The following ORC1 variants were observed in gnomAD, a reference collection of about 807,000 sequenced individuals.
ORC1 encodes the protein origin recognition complex subunit 1.
ORC1 carries 61 observed loss-of-function variants against 98.9 expected under a neutral mutation model. The observed-to-expected ratio is 0.62, with a 90% CI of 0.50 to 0.76. ORC1 has a LOEUF of 0.76. Ranked by LOEUF, ORC1 falls within the 30% of genes least tolerant of loss-of-function variation. ORC1 has a pLI of 0.00. For synonymous variants in ORC1, 385 were observed against 406.9 expected, an observed-to-expected ratio of 0.95 and a Z score of 0.65; for missense variants, 979 against 1,072.2, an observed-to-expected ratio of 0.91 and a Z score of 1.21.
In ORC1 at chr1:52,384,710, A is replaced by T; in HGVS notation, c.1595T>A (p.Ile532Asn). The change falls in exon 11 of 17, where the codon ATC (isoleucine) becomes AAC (asparagine). Residue 532 changes from isoleucine to asparagine, a missense_variant. Ile to Asn is a moderately radical substitution (Grantham distance 149). Transcript: ENST00000371568. Reference protein sequence around the residue: ...LLDHTGGCMYISGVPGTGKTA... With the variant: ...LLDHTGGCMYNSGVPGTGKTA... ...CTTCCCTGTCCCAGGGACACCGGAG[A>T]TGTACATGCACCTAGAGCAAGAGAG... 6.2e-7 allele frequency: 1 copy of T among 1,613,674 alleles called. No individual in the cohort carries two copies. The highest frequency in any genetic ancestry group is 8.5e-7 in the Non-Finnish European group (1 of 1,179,904).
Position 52,396,056 on chromosome 1 carries a change from C to T in ORC1, c.711G>A (p.Leu237=). Residue 237 remains leucine (L), a synonymous_variant, in exon 5 of 17, where the codon CTG becomes CTA. Transcript: ENST00000371568. ...CATTCCACAACTTACTGCCAAGCTC[C>T]AGCCTCTTTCTGGCTCTTGGGGTAA... ...HPLTPRARKR[L]ELGNLGNPQM... 2 of 1,614,170 alleles carry T rather than the reference C, an allele frequency of 1.2e-6. No homozygotes were observed. Among genetic ancestry groups the T allele is most frequent in the South Asian group, 2.2e-5 (2 of 91,086 alleles).
chr1:52,406,762 T>C (rs1648008993), upstream of ORC1, among the ~76,000 whole-genome samples: 1 of 152,212 alleles, frequency 6.6e-6, no homozygotes, highest in Non-Finnish European at 1.5e-5. Context: ...GGGCTTTGCA[T>C]ATAATAATTC....
chr1:52,404,434 A>T, upstream of ORC1: 1 of 237,318 alleles, frequency 4.2e-6, no homozygotes, highest in Non-Finnish European at 8.4e-6. Flanking sequence ...AGAAAAGAAA[A>T]CTTCGCGCCA....
At chr1:52,395,019 T>C (rs1019343795) in intron 5 of ORC1, among the ~76,000 whole-genome samples, 1 of 152,212 alleles carries the variant, frequency 6.6e-6, no homozygotes. Flanking sequence ...AAATGTTTTA[T>C]ACATTTATAT....
intron 10 of ORC1, 51 bp from the exon 11 acceptor site, chr1:52,384,772 C>G (rs3087480): frequency 5.4e-6 from 8 of 1,485,218 alleles, no homozygotes; most frequent in Non-Finnish European, 7.4e-6. Flanking sequence ...AGCCACTACA[C>G]GTTATAATCA....
In ORC1 at chr1:52,388,446, T is replaced by C. The variant is rs150154319; in HGVS notation, c.1379A>G (p.Lys460Arg). The C allele has an allele frequency of 1.3e-5, 21 of 1,613,712 alleles. No homozygotes were observed. The highest frequency in any genetic ancestry group is 1.7e-5 in the Admixed American group (1 of 60,010). The change falls in exon 8 of 17, where the codon AAG becomes AGG. Residue 460 changes from lysine (K) to arginine (R), a missense_variant. Transcript: ENST00000371568. ...GTAAACCTAGAAGAACCTTACACTCTTCTTTGGCACCTTCGTGAGGGTATG... is the reference window on the plus strand; with the variant it reads ...GTAAACCTAGAAGAACCTTACACTCCTCTTTGGCACCTTCGTGAGGGTATG... ...SLHTLTKVPKKSLKPRTPRCA... is the reference protein window; with the variant it reads ...SLHTLTKVPKRSLKPRTPRCA...
chr1:52,383,496 C>A lies in ORC1; in HGVS notation c.1937G>T (p.Arg646Leu). ...LFDWPTHKEARLVVLAIANTM... is the reference protein window; with the variant it reads ...LFDWPTHKEALLVVLAIANTM... ...GTTGGCAATTGCCAGGACCACAAGC[C>A]GGGCCTCCTTATGAGTGGGCCAGTC... Residue 646 changes from arginine (R) to leucine (L), a missense_variant, in exon 13 of 17, where the codon CGG (arginine) becomes CTG (leucine). Arg to Leu is a moderately radical substitution (Grantham distance 102). Coordinates refer to ENST00000371568, the MANE Select transcript of ORC1 (RefSeq NM_004153.4). 1 of 1,613,774 alleles carries A rather than the reference C, an allele frequency of 6.2e-7. No homozygotes were observed. Among genetic ancestry groups the A allele is most frequent in the South Asian group, 1.1e-5 (1 of 91,064 alleles).
At chr1:52,392,619 T>G (rs956282709) in intron 6 of ORC1, among the ~76,000 whole-genome samples, 1 of 152,202 alleles carries the variant, frequency 6.6e-6, no homozygotes, top group African/African-American at 2.4e-5. Flanking sequence ...CGCATGTTTA[T>G]AGCAGTACAA....
At chr1:52,374,736 T>C in intron 16 of ORC1, 74 bp downstream of exon 16, 1 of 988,664 alleles carries the variant, frequency 1.0e-6, no homozygotes, top group East Asian at 2.5e-5. Flanking sequence ...GTGTCACACA[T>C]TCATGGAAAT....
intron 10 of ORC1, 122 bp from the exon 11 acceptor site, chr1:52,384,843 G>A (rs1243213176): frequency 1.2e-5 from 10 of 859,524 alleles, no homozygotes; most frequent in Admixed American, 6.0e-5. Context: ...GTGGAGGTGG[G>A]GGCAGTAGGG....
At chr1:52,397,377 C>T (rs1447267479) in intron 4 of ORC1, among the ~76,000 whole-genome samples, 3 of 152,186 alleles carry the variant, frequency 2.0e-5, no homozygotes, top group African/African-American at 7.2e-5. Context: ...CATATTCAGC[C>T]TCACAATGCT....
At chr1:52,408,638 G>A (rs1648067568), upstream of ORC1, 8 of 1,614,058 alleles carry the variant, frequency 5.0e-6, no homozygotes, top group Non-Finnish European at 6.8e-6. Flanking sequence ...ACAAGTACTT[G>A]GAACCTTTGT....
At chr1:52,399,623 C>CAAAA (rs1198516466) in intron 3 of ORC1, among the ~76,000 whole-genome samples, 13 of 63,836 alleles carry the variant, frequency 2.0e-4, no homozygotes, top group East Asian at 1.7e-3. Flanking sequence ...GACTCTGTCT[C>CAAAA]AAAAAAAAAA....
intron 6 of ORC1, among the ~76,000 whole-genome samples, chr1:52,392,408 G>A (rs921818110): frequency 1.3e-5 from 2 of 152,112 alleles, no homozygotes; most frequent in South Asian, 2.1e-4. Flanking sequence ...GATTACAGGA[G>A]TGAGCCACCG....
chr1:52,381,421 A>C (rs1317344182), intron 14 of ORC1, among the ~76,000 whole-genome samples: 1 of 152,204 alleles, frequency 6.6e-6, no homozygotes, highest in Admixed American at 6.5e-5. Context: ...TTGCTCCCTG[A>C]ATGAATTCAT....
chr1:52,400,322 A>G (rs1246727139), intron 3 of ORC1, among the ~76,000 whole-genome samples: 2 of 152,220 alleles, frequency 1.3e-5, no homozygotes, highest in Non-Finnish European at 2.9e-5. Flanking sequence ...GGACAAAGGG[A>G]TGACTCACAT....
At chr1:52,377,404 AGCTGGGACTACAGGCACATGCCATC>A (rs1647007684) in intron 14 of ORC1, among the ~76,000 whole-genome samples, 1 of 152,136 alleles carries the variant, frequency 6.6e-6, no homozygotes, top group Non-Finnish European at 1.5e-5. Context: ...CTTCCCAAGT[AGCTGGGACTACAGGCACATGCCATC>A]GCATTGGGCT....
chr1:52,405,755 C>T (rs1347529145), upstream of ORC1: 1 of 1,613,908 alleles, frequency 6.2e-7, no homozygotes, highest in East Asian at 2.2e-5. Flanking sequence ...AAACCAACAC[C>T]CTTTCTGTGT....
At chr1:52,374,349 T>TA (rs1646968873) in intron 16 of ORC1, among the ~76,000 whole-genome samples, 1 of 152,226 alleles carries the variant, frequency 6.6e-6, no homozygotes, top group Non-Finnish European at 1.5e-5. Flanking sequence ...TACACACTCA[T>TA]AAACACCTTT....
Sources: gnomAD v4.1 joint callset for allele counts (sites outside exome capture counted in the v4.1 genomes callset) on GRCh38, gnomAD v4.1.1 for gene constraint, MANE v1.5 for transcripts, NCBI Gene and HGNC (gene_info 2026-07-23, HGNC 2026-07-21) for gene names.